The following STXBP5L variants were observed in gnomAD, a reference collection of about 807,000 sequenced individuals.
The protein encoded by STXBP5L is syntaxin-binding protein 5-like.
STXBP5L carries 65 observed loss-of-function variants against 144.5 expected under a neutral mutation model. That is an observed-to-expected ratio of 0.45 (90% CI 0.37 to 0.55). The LOEUF is 0.55. STXBP5L is among the 20% of genes least tolerant of loss of function. The pLI is 0.00. For missense variants in STXBP5L, 1,298 were observed against 1,405.5 expected, an observed-to-expected ratio of 0.92 and a Z score of 1.22; for synonymous variants, 505 against 469.6, an observed-to-expected ratio of 1.08 and a Z score of -0.97.
intron 18 of STXBP5L, among the ~76,000 whole-genome samples, chr3:121,263,265 A>G (rs1055117752): frequency 6.6e-6 from 1 of 152,226 alleles, no homozygotes; most frequent in Non-Finnish European, 1.5e-5. Context: ...ACAGAAAAAA[A>G]TAGCATCAAC....
chr3:121,045,491 A>G lies in STXBP5L; in HGVS notation c.426A>G (p.Gln142=). The change falls in exon 5 of 27, where the codon CAA becomes CAG. Residue 142 remains glutamine (Q), a synonymous_variant. Transcript: ENST00000471454. ...CACTTCATTTGTGGAACCTTAGACA[A>G]AAAAGGCCAGCCATACTCCATTCTC... The part of the protein sequence containing the change: ...DDTLHLWNLR[Q]KRPAILHSLK... 1 of 1,613,334 alleles carries G rather than the reference A, an allele frequency of 6.2e-7. No individual in the cohort carries two copies. The highest frequency in any genetic ancestry group is 8.5e-7 in the Non-Finnish European group (1 of 1,179,518).
intron 3 of STXBP5L, among the ~76,000 whole-genome samples, chr3:121,000,312 T>C (rs1943669219): frequency 6.6e-6 from 1 of 152,174 alleles, no homozygotes; most frequent in African/African-American, 2.4e-5. Context: ...TCTTTTACAT[T>C]CTTTTTTCCT....
At position 121,115,005 on chromosome 3, in the gene STXBP5L, T is replaced by C; in HGVS notation, c.551T>C (p.Ile184Thr). The C allele has an allele frequency of 1.2e-6, 2 of 1,604,170 alleles. No homozygotes were observed. Among genetic ancestry groups the C allele is most frequent in the Non-Finnish European group, 1.7e-6 (2 of 1,176,558 alleles). ...AGAGGAAATACACATATTGTAAATA[T>C]TGAATCTTTCATTCTTTCTGGATAT... ...TERGNTHIVN[I>T]ESFILSGYVI... The change falls in exon 6 of 27, where the codon ATT becomes ACT. Residue 184 changes from isoleucine to threonine, a missense_variant. Coordinates refer to ENST00000471454, the MANE Select transcript of STXBP5L (RefSeq NM_001308330.2).
At chr3:121,039,664 G>T (rs1947009312) in intron 3 of STXBP5L, among the ~76,000 whole-genome samples, 1 of 151,780 alleles carries the variant, frequency 6.6e-6, no homozygotes, top group African/African-American at 2.4e-5. Flanking sequence ...TGTCTGAAAA[G>T]TGTCTTCATT....
intron 2 of STXBP5L, among the ~76,000 whole-genome samples, chr3:120,948,568 T>C (rs1252468382): frequency 6.6e-6 from 1 of 151,800 alleles, no homozygotes; most frequent in Non-Finnish European, 1.5e-5. Flanking sequence ...CCACCCTTCC[T>C]CCTGAGCCCC....
rs79714327 is a variant in STXBP5L at position 121,382,756 on chromosome 3, T to A, written c.2587+1224T>A. 6.1e-3 allele frequency among the ~76,000 whole-genome samples: 931 copies of A among 152,236 alleles called. 8 individuals are homozygous for A. The highest frequency in any genetic ancestry group is 0.021 in the African/African-American group (857 of 41,566). On this transcript the variant is annotated intron_variant, in intron 22 of 26. Transcript: ENST00000471454. ...TAGAAATAAGCAATCCCTGGACTAA[T>A]AAAGCAGATCTCTCAATATTATAGG...
chr3:121,407,804 T>C (rs1252180042), intron 23 of STXBP5L: 12 of 676,100 alleles, frequency 1.8e-5, no homozygotes, highest in Non-Finnish European at 2.9e-5. Context: ...TCTTTTCTGC[T>C]AAAAATGCTT....
intron 22 of STXBP5L, among the ~76,000 whole-genome samples, chr3:121,391,829 G>A (rs927545598): frequency 6.6e-6 from 1 of 152,184 alleles, no homozygotes. Flanking sequence ...CCCCTACTGG[G>A]AGGTGTCTTC....
chr3:121,183,301 G>A (rs2047232014), intron 9 of STXBP5L, among the ~76,000 whole-genome samples: 1 of 152,114 alleles, frequency 6.6e-6, no homozygotes, highest in Admixed American at 6.6e-5. Flanking sequence ...AAAGCAATCA[G>A]ACAAGAGAAT....
chr3:120,959,151 A>G (rs1266809279), intron 3 of STXBP5L, among the ~76,000 whole-genome samples: 1 of 152,228 alleles, frequency 6.6e-6, no homozygotes, highest in African/African-American at 2.4e-5. Context: ...CCCATTCACA[A>G]TTGCTTCAAA....
chr3:121,255,185 ACTT>A, intron 16 of STXBP5L, 73 bp downstream of exon 16: 1 of 1,174,324 alleles, frequency 8.5e-7, no homozygotes, highest in Non-Finnish European at 1.2e-6. Context: ...TTTGACTACT[ACTT>A]GGTATGGTTT....
intron 9 of STXBP5L, among the ~76,000 whole-genome samples, chr3:121,171,954 C>A (rs2046735725): frequency 6.6e-6 from 1 of 152,170 alleles, no homozygotes; most frequent in Non-Finnish European, 1.5e-5. Context: ...TCAAACTATA[C>A]TACAAGGCTA....
chr3:121,218,086 A>C (rs1020032293), intron 10 of STXBP5L, among the ~76,000 whole-genome samples: 2 of 142,048 alleles, frequency 1.4e-5, no homozygotes, highest in East Asian at 2.0e-4. Flanking sequence ...ATATAATATA[A>C]TATATAGTAT....
chr3:121,071,749 A>G (rs2041821202), intron 5 of STXBP5L, among the ~76,000 whole-genome samples: 1 of 152,114 alleles, frequency 6.6e-6, no homozygotes, highest in Non-Finnish European at 1.5e-5. Context: ...TCACCCTTAT[A>G]TTTCCTGTAT....
chr3:120,968,075 C>T (rs773749328), intron 3 of STXBP5L, among the ~76,000 whole-genome samples: 23 of 152,064 alleles, frequency 1.5e-4, no homozygotes, highest in African/African-American at 2.2e-4. Context: ...GTGTATTCTG[C>T]GGCTATTGGA....
At chr3:121,343,696 G>C (rs1407921553) in intron 20 of STXBP5L, among the ~76,000 whole-genome samples, 1 of 152,084 alleles carries the variant, frequency 6.6e-6, no homozygotes, top group East Asian at 1.9e-4. Flanking sequence ...TACAAGGGAC[G>C]TGAAGGACCT....
intron 5 of STXBP5L, among the ~76,000 whole-genome samples, chr3:121,107,952 G>C (rs1010547227): frequency 1.3e-5 from 2 of 152,054 alleles, no homozygotes; most frequent in African/African-American, 2.4e-5. Context: ...TGTATTCCTA[G>C]TTATTTTATT....
chr3:121,054,436 TG>T (rs1948291690), intron 5 of STXBP5L, among the ~76,000 whole-genome samples: 1 of 152,046 alleles, frequency 6.6e-6, no homozygotes, highest in South Asian at 2.1e-4. Context: ...TCATGTCCTT[TG>T]TAGGGACATG....
At chr3:121,170,574 A>G (rs914447203) in intron 9 of STXBP5L, among the ~76,000 whole-genome samples, 1 of 152,236 alleles carries the variant, frequency 6.6e-6, no homozygotes, top group African/African-American at 2.4e-5. Context: ...TTCTATGCAA[A>G]TAAAATAGAA....
Sources: allele counts gnomAD v4.1 joint callset (sites outside exome capture counted in the v4.1 genomes callset), GRCh38; gene constraint gnomAD v4.1.1; transcripts MANE v1.5; gene names NCBI Gene and HGNC (gene_info 2026-07-23, HGNC 2026-07-21).